The following ALDH1L1 variants were observed in gnomAD, a reference collection of about 807,000 sequenced individuals.
ALDH1L1 encodes cytosolic 10-formyltetrahydrofolate dehydrogenase.
Under a neutral mutation model 101.1 loss-of-function variants are expected in ALDH1L1, and 68 were observed. The ratio of observed to expected loss-of-function variants is 0.67; its 90% CI spans 0.55 to 0.82. ALDH1L1 has a LOEUF of 0.82. Among genes scored for constraint, ALDH1L1 ranks in the 40% least tolerant of loss-of-function variants. The probability of loss-of-function intolerance (pLI) is 0.00; values close to 1 mark genes in which losing one functional copy is unlikely to be tolerated. For missense variants in ALDH1L1, 1,087 were observed against 1,172.7 expected (o/e 0.93, Z 1.07); for synonymous variants, 486 against 470.8 (o/e 1.03, Z -0.42).
intron 1 of ALDH1L1, among the ~76,000 whole-genome samples, chr3:126,162,604 ATG>A (rs2081083376): frequency 6.6e-6 from 1 of 152,156 alleles, no homozygotes; most frequent in Non-Finnish European, 1.5e-5. Flanking sequence ...TTTGTCAGAT[ATG>A]TGTATGGAAA....
At chr3:126,180,927 C>G, upstream of ALDH1L1, 1 of 1,609,030 alleles carries the variant, frequency 6.2e-7, no homozygotes, top group Middle Eastern at 1.7e-4. Flanking sequence ...CTCACTCACT[C>G]GCTCACCCTC....
chr3:126,186,499 C>A (rs7430067), upstream of ALDH1L1, among the ~76,000 whole-genome samples: 1 of 65,520 alleles, frequency 1.5e-5, no homozygotes, highest in African/African-American at 3.9e-5. Flanking sequence ...CTGAACCTGA[C>A]CCTGACCCTG....
intron 9 of ALDH1L1, among the ~76,000 whole-genome samples, 170 bp downstream of exon 9, chr3:126,146,665 T>C (rs967014390): frequency 1.3e-5 from 2 of 152,196 alleles, no homozygotes; most frequent in Non-Finnish European, 2.9e-5. Flanking sequence ...ACCATTCATT[T>C]GTGCTGCCCA....
chr3:126,135,878 C>T (rs1215769093), intron 11 of ALDH1L1, among the ~76,000 whole-genome samples: 3 of 152,176 alleles, frequency 2.0e-5, no homozygotes, highest in Admixed American at 2.0e-4. Context: ...TGTGTCTACA[C>T]CCCAAGGTCC....
In ALDH1L1 at chr3:126,113,211, G is replaced by T. The variant is rs554972044; in HGVS notation, c.2083-331C>A. Among the ~76,000 whole-genome samples, 39 of 152,332 alleles carry T rather than the reference G, an allele frequency of 2.6e-4. 1 individual carries two copies. The South Asian group carries it at 8.1e-3, about 32-fold the overall frequency. The stretch of plus-strand genomic sequence containing the variant: ...CCTGCCTGAGACCCTCCTGCACCCT[G>T]GGTGGCTCACTGGGGCGGCCCAGGA... On this transcript the variant is annotated intron_variant, in intron 18 of 22. Coordinates refer to ENST00000393434, the MANE Select transcript of ALDH1L1 (RefSeq NM_012190.4).
intron 14 of ALDH1L1, among the ~76,000 whole-genome samples, 200 bp from the exon 15 acceptor site, chr3:126,125,921 G>A (rs543456855): frequency 6.6e-6 from 1 of 152,342 alleles, no homozygotes; most frequent in East Asian, 1.9e-4. Context: ...TGGTCTGGCA[G>A]CAGCCCCTCT....
At chr3:126,146,735 A>C (rs527993139) in intron 9 of ALDH1L1, 100 bp downstream of exon 9, 1 of 1,307,558 alleles carries the variant, frequency 7.6e-7, no homozygotes, top group South Asian at 1.4e-5. Flanking sequence ...CACATGATCC[A>C]TGAGTGTAAC....
Position 126,180,494 on chromosome 3 carries a change from C to T in ALDH1L1, c.-42G>A. 1 of 997,896 alleles carries T rather than the reference C, an allele frequency of 1.0e-6. No homozygotes were observed. Among genetic ancestry groups the T allele is most frequent in the Admixed American group, 5.5e-5 (1 of 18,106 alleles). The allele number at this position is 997,896 out of a possible 1,614,324, so 61.8% of individuals were successfully genotyped here. A position where few individuals can be genotyped will look rare whatever the true frequency, so the allele number is the denominator to read the frequency against. ...AACTCACCGCGCGCAGGAGTTGGTG[C>T]GGGCGTCCCGGGCAGGTTAGACTTC... On this transcript the variant is annotated 5_prime_UTR_variant, in exon 1 of 23. Coordinates refer to ENST00000393434, the MANE Select transcript of ALDH1L1 (RefSeq NM_012190.4).
chr3:126,177,722 T>C (rs1438947162), intron 1 of ALDH1L1, among the ~76,000 whole-genome samples: 1 of 152,162 alleles, frequency 6.6e-6, no homozygotes, highest in Non-Finnish European at 1.5e-5. Flanking sequence ...ATTAATAACA[T>C]TGCATCGATA....
Position 126,125,703 on chromosome 3 carries a change from G to C in ALDH1L1, c.1713C>G (p.Ile571Met), listed in dbSNP as rs1162175754. ...GCATCATCAGGGGATAGTTCCAGGGGATGATGATGCCACAAACCCTGCCAC... is the reference window on the plus strand; with the variant it reads ...GCATCATCAGGGGATAGTTCCAGGGCATGATGATGCCACAAACCCTGCCAC... ...KEPVGVCGII[I>M]PWNYPLMMLS... Residue 571 changes from isoleucine (I) to methionine (M), a missense_variant, in exon 15 of 23, where the codon ATC (isoleucine) becomes ATG (methionine). Physicochemically the swap from Ile to Met is conservative, Grantham distance 10. Around this residue, in one of 2 missense-constraint regions of ALDH1L1, gnomAD observed 442 missense variants for 535.7 expected, o/e 0.83. Transcript: ENST00000393434. 1 of 1,578,208 alleles carries C rather than the reference G, an allele frequency of 6.3e-7. No homozygotes were observed. The highest frequency in any genetic ancestry group is 1.8e-5 in the Admixed American group (1 of 56,192).
chr3:126,105,157 ACACCCGTGG>A (rs1240187338), intron 22 of ALDH1L1: 6 of 175,626 alleles, frequency 3.4e-5, no homozygotes, highest in African/African-American at 1.4e-4. Context: ...GAGACTTGCA[ACACCCGTGG>A]TGTTCACCCG....
chr3:126,114,799 C>T (rs759156825), intron 17 of ALDH1L1, 143 bp from the exon 18 acceptor site: 2 of 748,472 alleles, frequency 2.7e-6, no homozygotes, highest in Admixed American at 2.0e-5. Context: ...CCACTCCCCC[C>T]CACCCCTTGC....
chr3:126,135,770 TC>T, intron 11 of ALDH1L1, 108 bp from the exon 12 acceptor site: 2 of 1,325,112 alleles, frequency 1.5e-6, no homozygotes, highest in East Asian at 2.8e-5. Context: ...GCGGCCCCTG[TC>T]CACATGAGCA....
intron 14 of ALDH1L1, among the ~76,000 whole-genome samples, chr3:126,126,032 C>T (rs947912343): frequency 6.6e-6 from 1 of 152,124 alleles, no homozygotes; most frequent in Non-Finnish European, 1.5e-5. Context: ...GGCAGGCAGG[C>T]ACAGGTGAGG....
intron 16 of ALDH1L1, among the ~76,000 whole-genome samples, chr3:126,118,932 C>T (rs1428628009): frequency 1.3e-5 from 2 of 152,178 alleles, no homozygotes; most frequent in Non-Finnish European, 1.5e-5. Flanking sequence ...CTCTCTGTCC[C>T]TCAGGTCTCC....
At position 126,112,765 on chromosome 3, in the gene ALDH1L1, C is replaced by A; in HGVS notation, c.2181+17G>T. On this transcript the variant is annotated intron_variant, in intron 19 of 22. Coordinates refer to ENST00000393434, the MANE Select transcript of ALDH1L1 (RefSeq NM_012190.4). ...CCCAGTGAACCAGCCGCCCGCAGAC[C>A]CTGGGGCAGGACTTACCACTCTCCG... 6.2e-7 allele frequency: 1 copy of A among 1,611,646 alleles called. No individual in the cohort carries two copies.
chr3:126,154,693 C>G (rs1430013507), intron 5 of ALDH1L1, 50 bp from the exon 6 acceptor site: 2 of 1,556,002 alleles, frequency 1.3e-6, no homozygotes, highest in African/African-American at 1.4e-5. Context: ...TCACTCCCCT[C>G]CCACCCTGAT....
intron 8 of ALDH1L1, among the ~76,000 whole-genome samples, chr3:126,149,498 G>T (rs1396345332): frequency 6.6e-6 from 1 of 152,236 alleles, no homozygotes; most frequent in Non-Finnish European, 1.5e-5. Flanking sequence ...GGCAGGCCAA[G>T]TCAGGGCCAG....
At chr3:126,164,529 C>G (rs1302357790) in intron 1 of ALDH1L1, among the ~76,000 whole-genome samples, 1 of 152,194 alleles carries the variant, frequency 6.6e-6, no homozygotes, top group Non-Finnish European at 1.5e-5. Flanking sequence ...CTAGTCCACC[C>G]ATGTTGCTGC....
Sources: gnomAD v4.1 joint callset for allele counts (sites outside exome capture counted in the v4.1 genomes callset) on GRCh38, gnomAD v4.1.1 for gene constraint, gnomAD v4.1.1 regional missense constraint, MANE v1.5 for transcripts, NCBI Gene and HGNC (gene_info 2026-07-23, HGNC 2026-07-21) for gene names.